Variants in PDSS1 observed in about 807,000 individuals in gnomAD.
The protein encoded by PDSS1 is decaprenyl diphosphate synthase subunit 1.
A neutral mutation model predicts 57.5 loss-of-function variants in PDSS1; 43 were observed. The ratio of observed to expected loss-of-function variants is 0.75; its 90% CI spans 0.59 to 0.96. The LOEUF (loss-of-function observed/expected upper bound fraction) is 0.96, where lower values mean the gene tolerates loss of function less well. PDSS1 is among the 50% of genes least tolerant of loss of function. PDSS1 has a pLI of 0.00. For missense variants in PDSS1, 438 were observed against 527.8 expected (o/e 0.83, Z 1.67); for synonymous variants, 175 against 191.3 (o/e 0.91, Z 0.70).
chr10:26,699,800 A>G (rs1181651961), intron 1 of PDSS1, among the ~76,000 whole-genome samples: 2 of 152,182 alleles, frequency 1.3e-5, no homozygotes, highest in Non-Finnish European at 2.9e-5. Context: ...CGTCTGCATG[A>G]CGACAAGGAG....
In PDSS1 at chr10:26,697,708, G is replaced by T; in HGVS notation, c.-4G>T. On this transcript the variant is annotated 5_prime_UTR_variant, in exon 1 of 12. Coordinates refer to ENST00000376215, the MANE Select transcript of PDSS1 (RefSeq NM_014317.5). ...CGCCCTGCCGCGACTTTCAGACTCC[G>T]ACCATGGCCTCGCGCTGGTGGCGGT... The T allele has an allele frequency of 3.9e-6, 5 of 1,296,000 alleles. No homozygotes were observed. The South Asian group carries it at 1.2e-4, about 30-fold the overall frequency. 80.3% of individuals were successfully genotyped at this position (1,296,000 alleles called of 1,614,324 possible).
At position 26,727,059 on chromosome 10, in the gene PDSS1, CA is replaced by C. The variant is rs146269922; in HGVS notation, c.831+2946del. Among the ~76,000 whole-genome samples the C allele has an allele frequency of 2.7e-4, 18 of 66,128 alleles. 1 individual carries two copies. The highest frequency in any genetic ancestry group is 1.4e-3 in the South Asian group (2 of 1,418). 43.4% of individuals were successfully genotyped at this position (66,128 alleles called of 152,430 possible). On this transcript the variant is annotated intron_variant, in intron 8 of 11. Coordinates refer to ENST00000376215, the MANE Select transcript of PDSS1 (RefSeq NM_014317.5). ...CCTGGGCAATAGAGCGAGAGTCTCT[CA>C]AAAAAAAAACAAACAAACCAGAATT...
chr10:26,697,877 G>A (rs1834918219), intron 1 of PDSS1, 37 bp downstream of exon 1: 1 of 1,264,502 alleles, frequency 7.9e-7, no homozygotes, highest in Non-Finnish European at 1.0e-6. Context: ...GGGGCTCAGA[G>A]GTCACGGCTC....
chr10:26,739,269 C>T (rs925492973), intron 10 of PDSS1, among the ~76,000 whole-genome samples: 7 of 152,118 alleles, frequency 4.6e-5, no homozygotes, highest in African/African-American at 1.2e-4. Context: ...AGTTACAACC[C>T]GATTTATCCA....
chr10:26,728,983 T>G lies in PDSS1; in HGVS notation c.831+4860T>G, dbSNP rs137946320. Among the ~76,000 whole-genome samples, 390 of 151,872 alleles carry G rather than the reference T, an allele frequency of 2.6e-3. 1 individual carries two copies. The highest frequency in any genetic ancestry group is 8.8e-3 in the African/African-American group (366 of 41,430). On this transcript the variant is annotated intron_variant, in intron 8 of 11. Coordinates refer to ENST00000376215, the MANE Select transcript of PDSS1 (RefSeq NM_014317.5). The stretch of plus-strand genomic sequence containing the variant: ...TTTAGTAGAGACGGGGTTTTGCCAT[T>G]TTGCCCAGGCTGGTCTCAAACTCCT...
At chr10:26,714,362 C>G (rs1420585262) in intron 5 of PDSS1, among the ~76,000 whole-genome samples, 8 of 151,660 alleles carry the variant, frequency 5.3e-5, no homozygotes, top group Non-Finnish European at 1.5e-5. Context: ...TAAATCCCAG[C>G]TACTCAGGAG....
intron 10 of PDSS1, 39 bp from the exon 11 acceptor site, chr10:26,742,454 GAAAT>G (rs1384895611): frequency 1.6e-5 from 23 of 1,399,814 alleles, no homozygotes; most frequent in South Asian, 3.5e-5. Flanking sequence ...TCTCCCAAGA[GAAAT>G]AAATAGATTT....
At chr10:26,742,868 C>T (rs1836678605) in intron 11 of PDSS1, among the ~76,000 whole-genome samples, 1 of 152,152 alleles carries the variant, frequency 6.6e-6, no homozygotes, top group South Asian at 2.1e-4. Context: ...AGTGTTGAAA[C>T]CCAGTGGTGT....
rs565169513 is a variant in PDSS1 at position 26,739,958 on chromosome 10, C to T, written c.1027-2539C>T. On this transcript the variant is annotated intron_variant, in intron 10 of 11. Transcript: ENST00000376215. ...TAGGAGATCAAGACCATCCTGGCTA[C>T]GGTAAAACTCCATCTCTACTAAAAA... Among the ~76,000 whole-genome samples the T allele has an allele frequency of 2.2e-4, 34 of 152,130 alleles. 1 individual carries two copies. The highest frequency in any genetic ancestry group is 6.8e-3 in the Middle Eastern group (2 of 294).
intron 4 of PDSS1, among the ~76,000 whole-genome samples, chr10:26,707,381 T>G (rs932591756): frequency 2.0e-5 from 3 of 152,104 alleles, no homozygotes; most frequent in Non-Finnish European, 4.4e-5. Flanking sequence ...TGTGACCAAT[T>G]AGTATTTTAG....
chr10:26,720,733 A>G lies in PDSS1; in HGVS notation c.609+374A>G, dbSNP rs3802607. Among the ~76,000 whole-genome samples, 1,276 of 152,346 alleles carry G rather than the reference A, an allele frequency of 8.4e-3. 34 individuals are homozygous for G. In the East Asian group the frequency reaches 0.091, roughly 11 times the overall value. On this transcript the variant is annotated intron_variant, in intron 6 of 11. Coordinates refer to ENST00000376215, the MANE Select transcript of PDSS1 (RefSeq NM_014317.5). Reference sequence around the variant, plus strand: ...AGTGCTGCATATAAATGCCAAAGCAAACAAATAAAACTAATAAAAGAAAAA... The same window carrying G: ...AGTGCTGCATATAAATGCCAAAGCAGACAAATAAAACTAATAAAAGAAAAA...
chr10:26,723,154 T>C (rs12249971), intron 6 of PDSS1, among the ~76,000 whole-genome samples: 3,185 of 152,128 alleles, frequency 0.021, 111 homozygotes, highest in African/African-American at 0.072. Flanking sequence ...GCAGCATGCA[T>C]GGGTGTTGTA....
intron 6 of PDSS1, 35 bp downstream of exon 6, chr10:26,720,394 C>A: frequency 7.3e-7 from 1 of 1,377,828 alleles, no homozygotes; most frequent in Non-Finnish European, 1.0e-6. Context: ...ATCTCTCTTA[C>A]TGAATCACAC....
chr10:26,740,296 C>T (rs1836546370), intron 10 of PDSS1, among the ~76,000 whole-genome samples: 1 of 152,184 alleles, frequency 6.6e-6, no homozygotes, highest in African/African-American at 2.4e-5. Flanking sequence ...GGCAACAGAA[C>T]AAGTCTCATA....
At chr10:26,718,476 T>C (rs1387683742) in intron 5 of PDSS1, among the ~76,000 whole-genome samples, 1 of 152,084 alleles carries the variant, frequency 6.6e-6, no homozygotes, top group East Asian at 1.9e-4. Context: ...TAATAAAGAA[T>C]GAGGCCAGGC....
At chr10:26,707,199 C>T (rs1310327988) in intron 4 of PDSS1, among the ~76,000 whole-genome samples, 5 of 152,190 alleles carry the variant, frequency 3.3e-5, no homozygotes. Flanking sequence ...GCATTCTTCC[C>T]ATACCAGTCC....
intron 4 of PDSS1, among the ~76,000 whole-genome samples, chr10:26,705,707 C>T (rs949433978): frequency 2.6e-5 from 4 of 152,230 alleles, no homozygotes; most frequent in South Asian, 2.1e-4. Context: ...CTCCTGACCT[C>T]AGGTGACCTA....
chr10:26,719,303 T>G (rs1235476432), intron 5 of PDSS1, among the ~76,000 whole-genome samples: 2 of 152,228 alleles, frequency 1.3e-5, no homozygotes, highest in African/African-American at 4.8e-5. Flanking sequence ...CCCTCTGAAC[T>G]GTAAAATTTA....
At chr10:26,706,388 T>G (rs1835216077) in intron 4 of PDSS1, among the ~76,000 whole-genome samples, 1 of 152,190 alleles carries the variant, frequency 6.6e-6, no homozygotes, top group South Asian at 2.1e-4. Context: ...CTCCTTCAGC[T>G]CCTGCTCTGT....
Sources: gnomAD v4.1 joint callset for allele counts (sites outside exome capture counted in the v4.1 genomes callset) on GRCh38, gnomAD v4.1.1 for gene constraint, MANE v1.5 for transcripts, NCBI Gene and HGNC (gene_info 2026-07-23, HGNC 2026-07-21) for gene names.